Variants in CPQ observed in about 807,000 individuals in gnomAD.
CPQ encodes carboxypeptidase Q.
In CPQ, 37 loss-of-function variants were observed where a neutral mutation model predicts 45.7. The ratio of observed to expected loss-of-function variants is 0.81; its 90% confidence interval spans 0.62 to 1.07. The LOEUF is 1.07. CPQ is among the 50% of genes least tolerant of loss of function. The pLI, the probability that CPQ is intolerant of heterozygous loss-of-function variation, is 0.00. For synonymous variants in CPQ, 186 were observed against 205.8 expected, an observed-to-expected ratio of 0.90 and a Z score of 0.82; for missense variants, 537 against 572.9, an observed-to-expected ratio of 0.94 and a Z score of 0.64.
At chr8:97,048,748 G>A (rs985133652) in intron 6 of CPQ, among the ~76,000 whole-genome samples, 2 of 152,208 alleles carry the variant, frequency 1.3e-5, no homozygotes, top group Admixed American at 6.5e-5. Context: ...AACGGAAAAT[G>A]AGAATGAAGG....
chr8:96,737,253 AC>A (rs200308894), intron 1 of CPQ, among the ~76,000 whole-genome samples: 8,340 of 140,296 alleles, frequency 0.059, 560 homozygotes, highest in African/African-American at 0.17. Context: ...ACACACACAC[AC>A]AAAAAAAAAC....
intron 1 of CPQ, among the ~76,000 whole-genome samples, chr8:96,696,715 G>T (rs1313380557): frequency 3.3e-5 from 5 of 151,990 alleles, no homozygotes; most frequent in Non-Finnish European, 7.4e-5. Flanking sequence ...AAATTCAAAG[G>T]ATCATTAGAG....
At chr8:96,795,345 C>T (rs1810914933) in intron 2 of CPQ, among the ~76,000 whole-genome samples, 1 of 152,088 alleles carries the variant, frequency 6.6e-6, no homozygotes, top group Admixed American at 6.6e-5. Context: ...TTCACTACCA[C>T]CAGAAGAGCA....
At position 97,081,041 on chromosome 8, in the gene CPQ, A is replaced by G. The variant is rs145685794; in HGVS notation, c.1255+14831A>G. ...GTAGAAACATAGCGTGGACTTCACC[A>G]ATACTCATTTTTGGAAGTTTAAACC... On this transcript the variant is annotated intron_variant, in intron 7 of 7. Coordinates refer to ENST00000220763, the MANE Select transcript of CPQ (RefSeq NM_016134.4). 7.0e-3 allele frequency among the ~76,000 whole-genome samples: 1,063 copies of G among 152,292 alleles called. 13 individuals are homozygous for G. The highest frequency in any genetic ancestry group is 0.024 in the African/African-American group (1,001 of 41,556).
intron 4 of CPQ, among the ~76,000 whole-genome samples, chr8:96,915,137 A>G (rs1812715344): frequency 6.6e-6 from 1 of 152,154 alleles, no homozygotes; most frequent in Non-Finnish European, 1.5e-5. Flanking sequence ...ACTCCTTGAC[A>G]CTGACTTGCC....
Position 96,762,739 on chromosome 8 carries a change from C to T in CPQ, c.-34-22125C>T, listed in dbSNP as rs577135811. Among the ~76,000 whole-genome samples, 12 of 152,130 alleles carry T rather than the reference C, an allele frequency of 7.9e-5. No individual in the cohort carries two copies. In the South Asian group the frequency reaches 2.3e-3, roughly 29 times the overall value. On this transcript the variant is annotated intron_variant, in intron 1 of 7. Coordinates refer to ENST00000220763, the MANE Select transcript of CPQ (RefSeq NM_016134.4). Reference sequence around the variant, plus strand: ...TTCAGTTCAATTTATTAATTTTTCCCTCAATGAACCGTAGTTTTAGTGTTG... The same window carrying T: ...TTCAGTTCAATTTATTAATTTTTCCTTCAATGAACCGTAGTTTTAGTGTTG...
At chr8:97,055,287 C>T (rs1330115336) in intron 6 of CPQ, among the ~76,000 whole-genome samples, 1 of 152,140 alleles carries the variant, frequency 6.6e-6, no homozygotes, top group Non-Finnish European at 1.5e-5. Context: ...TCTCCTTTCT[C>T]CAGGGCTATT....
At chr8:96,662,505 A>G (rs1446816876) in intron 1 of CPQ, among the ~76,000 whole-genome samples, 4 of 152,184 alleles carry the variant, frequency 2.6e-5, no homozygotes, top group Non-Finnish European at 5.9e-5. Flanking sequence ...TTATTCTCCT[A>G]ATGAAGAACT....
intron 4 of CPQ, among the ~76,000 whole-genome samples, chr8:96,899,099 C>G (rs767512963): frequency 2.6e-5 from 4 of 152,030 alleles, no homozygotes; most frequent in Admixed American, 6.6e-5. Context: ...AATTTATATT[C>G]TAGTTGATAA....
chr8:96,673,196 G>T (rs1809030159), intron 1 of CPQ, among the ~76,000 whole-genome samples: 1 of 152,144 alleles, frequency 6.6e-6, no homozygotes, highest in African/African-American at 2.4e-5. Context: ...AAAGAATGCA[G>T]CAACGGAAGT....
In CPQ at chr8:97,123,100, T is replaced by TA. The variant is rs1455297703; in HGVS notation, c.1256-19917dup. ...ATAAAATAAATAAAATAAAATAAAA[T>TA]AAATAAAATAAAATAAAATAAAATA... On this transcript the variant is annotated intron_variant, in intron 7 of 7. Transcript: ENST00000220763. 9.7e-4 allele frequency among the ~76,000 whole-genome samples: 36 copies of TA among 37,188 alleles called. 2 individuals are homozygous for TA. The highest frequency in any genetic ancestry group is 2.2e-3 in the Admixed American group (9 of 4,094). 24.4% of individuals were successfully genotyped at this position (37,188 alleles called of 152,430 possible). A position where few individuals can be genotyped will look rare whatever the true frequency, so the allele number is the denominator to read the frequency against.
chr8:96,925,953 G>T (rs374788541), intron 4 of CPQ, among the ~76,000 whole-genome samples: 1 of 152,164 alleles, frequency 6.6e-6, no homozygotes, highest in South Asian at 2.1e-4. Flanking sequence ...CTCCCAAAGT[G>T]CTGATATTAC....
At chr8:96,912,647 A>G (rs1812682613) in intron 4 of CPQ, among the ~76,000 whole-genome samples, 1 of 152,210 alleles carries the variant, frequency 6.6e-6, no homozygotes, top group Admixed American at 6.5e-5. Flanking sequence ...AAATAATGCT[A>G]AAATAAAGGA....
At chr8:96,814,988 A>G (rs896216237) in intron 2 of CPQ, among the ~76,000 whole-genome samples, 2 of 152,130 alleles carry the variant, frequency 1.3e-5, no homozygotes, top group Non-Finnish European at 2.9e-5. Flanking sequence ...GGTAGTTGCC[A>G]GGGGTTTGGC....
intron 5 of CPQ, among the ~76,000 whole-genome samples, chr8:97,005,694 G>T (rs1342892727): frequency 2.0e-5 from 3 of 151,924 alleles, no homozygotes; most frequent in African/African-American, 7.3e-5. Flanking sequence ...GTTTTTGATG[G>T]GCTCTAACAT....
intron 1 of CPQ, among the ~76,000 whole-genome samples, chr8:96,744,061 G>A (rs575477848): frequency 8.5e-5 from 13 of 152,198 alleles, no homozygotes; most frequent in Middle Eastern, 3.4e-3. Flanking sequence ...AATGGCGGGC[G>A]CCCCTCCCCC....
At chr8:96,823,818 A>G (rs1811342511) in intron 2 of CPQ, among the ~76,000 whole-genome samples, 1 of 152,072 alleles carries the variant, frequency 6.6e-6, no homozygotes, top group Non-Finnish European at 1.5e-5. Flanking sequence ...TGTAAGACCT[A>G]TAGAAATGCT....
At chr8:96,727,231 T>C (rs1809855029) in intron 1 of CPQ, among the ~76,000 whole-genome samples, 1 of 152,194 alleles carries the variant, frequency 6.6e-6, no homozygotes. Flanking sequence ...CAATATATAA[T>C]GGAAGCAACA....
At chr8:96,882,916 C>T (rs988238257) in intron 4 of CPQ, among the ~76,000 whole-genome samples, 17 of 152,160 alleles carry the variant, frequency 1.1e-4, no homozygotes, top group South Asian at 2.1e-4. Context: ...CCCTTGAGTT[C>T]CTTTGTAGTC....
Sources: gnomAD v4.1 joint callset for allele counts (sites outside exome capture counted in the v4.1 genomes callset) on GRCh38, gnomAD v4.1.1 for gene constraint, MANE v1.5 for transcripts, NCBI Gene and HGNC (gene_info 2026-07-23, HGNC 2026-07-21) for gene names.